PRKN: variants seen among roughly 807,000 people sequenced by gnomAD.
The protein encoded by PRKN is E3 ubiquitin-protein ligase parkin.
A neutral mutation model predicts 59.5 loss-of-function variants in PRKN; 56 were observed. The observed-to-expected ratio is 0.94, with a 90% CI of 0.76 to 1.18. PRKN has a LOEUF of 1.18. PRKN is among the 50% of genes most tolerant of loss of function. The pLI, the probability that PRKN is intolerant of heterozygous loss-of-function variation, is 0.00. For missense variants in PRKN, 657 were observed against 596.4 expected (o/e 1.10, Z -1.06); for synonymous variants, 250 against 222.1 (o/e 1.13, Z -1.12).
At chr6:161,801,979 A>G (rs1196554310) in intron 6 of PRKN, among the ~76,000 whole-genome samples, 1 of 152,198 alleles carries the variant, frequency 6.6e-6, no homozygotes, top group African/African-American at 2.4e-5. Flanking sequence ...GTTTCTCCTC[A>G]AATTGAACTT....
intron 2 of PRKN, among the ~76,000 whole-genome samples, chr6:162,364,979 CTTTTTTT>C (rs574680485): frequency 1.6e-5 from 2 of 126,808 alleles, no homozygotes; most frequent in African/African-American, 2.9e-5. Flanking sequence ...CTCTCTCTCT[CTTTTTTT>C]TTTTTTTTTG....
At chr6:162,560,519 A>G (rs1453361167) in intron 1 of PRKN, among the ~76,000 whole-genome samples, 1 of 152,164 alleles carries the variant, frequency 6.6e-6, no homozygotes, top group East Asian at 1.9e-4. Context: ...AAGTGTAAAC[A>G]TGGAAAAATC....
chr6:161,970,389 T>A (rs3016555), intron 6 of PRKN, among the ~76,000 whole-genome samples: 2 of 148,776 alleles, frequency 1.3e-5, no homozygotes, highest in South Asian at 2.1e-4. Flanking sequence ...GGAAAAAGCA[T>A]GATACGAAAC....
chr6:162,294,370 G>GAA (rs931602104), intron 2 of PRKN, among the ~76,000 whole-genome samples: 3 of 152,150 alleles, frequency 2.0e-5, no homozygotes, highest in Non-Finnish European at 1.5e-5. Context: ...GAGAGAGAGA[G>GAA]AGAAGCAGAG....
At chr6:162,311,482 T>C (rs1417976456) in intron 2 of PRKN, among the ~76,000 whole-genome samples, 6 of 102,572 alleles carry the variant, frequency 5.8e-5, no homozygotes, top group African/African-American at 4.6e-5. Context: ...ATTTTTTTCC[T>C]TTTTTTTTTT....
At chr6:161,970,949 C>T (rs939811397) in intron 6 of PRKN, among the ~76,000 whole-genome samples, 2 of 152,128 alleles carry the variant, frequency 1.3e-5, no homozygotes, top group African/African-American at 4.8e-5. Context: ...TCCGTGCAGG[C>T]GCTCATAATG....
At chr6:161,408,995 G>C (rs368743748) in intron 9 of PRKN, among the ~76,000 whole-genome samples, 46 of 152,008 alleles carry the variant, frequency 3.0e-4, no homozygotes, top group African/African-American at 1.1e-3. Flanking sequence ...GCCCAGGCTG[G>C]AGTGCAGTGG....
chr6:162,010,333 AAT>A (rs983211750), intron 5 of PRKN, among the ~76,000 whole-genome samples: 2,175 of 121,320 alleles, frequency 0.018, 31 homozygotes, highest in Non-Finnish European at 0.027. Context: ...TATAATATAT[AAT>A]ATATAAATAA....
intron 5 of PRKN, among the ~76,000 whole-genome samples, chr6:162,005,709 T>G (rs917386530): frequency 6.6e-6 from 1 of 152,184 alleles, no homozygotes; most frequent in African/African-American, 2.4e-5. Context: ...TTTTCCAAGT[T>G]AGCTTTAAAG....
chr6:161,704,878 A>G lies in PRKN; in HGVS notation c.871+80894T>C, dbSNP rs558139158. On this transcript the variant is annotated intron_variant, in intron 7 of 11. Coordinates refer to ENST00000366898, the MANE Select transcript of PRKN (RefSeq NM_004562.3). ...GGGTTGTTCAGGGTCCCTCAGCAGT[A>G]CCACGTTTCTCAGTTACATATGTGC... 2.0e-5 allele frequency among the ~76,000 whole-genome samples: 3 copies of G among 152,328 alleles called. No homozygotes were observed. The South Asian group carries it at 6.2e-4, about 32-fold the overall frequency.
intron 1 of PRKN, among the ~76,000 whole-genome samples, chr6:162,670,691 T>G (rs1779286508): frequency 6.6e-6 from 1 of 152,284 alleles, no homozygotes; most frequent in Non-Finnish European, 1.5e-5. Context: ...ACAATGTGGG[T>G]TTTATGGAAG....
chr6:161,450,779 C>A (rs9458261), intron 9 of PRKN, among the ~76,000 whole-genome samples: 1 of 151,890 alleles, frequency 6.6e-6, no homozygotes, highest in African/African-American at 2.4e-5. Context: ...ATGGTCTCGA[C>A]CTCCTGACCT....
intron 2 of PRKN, among the ~76,000 whole-genome samples, chr6:162,395,544 G>A (rs1354459723): frequency 1.3e-5 from 2 of 152,096 alleles, no homozygotes; most frequent in Non-Finnish European, 2.9e-5. Flanking sequence ...ATCAAGAATC[G>A]CCCAGCAGTC....
In PRKN at chr6:162,583,625, ATCTC is replaced by A. The variant is rs923440004; in HGVS notation, c.8-140156_8-140153del. Among the ~76,000 whole-genome samples, 7 of 152,154 alleles carry A rather than the reference ATCTC, an allele frequency of 4.6e-5. 1 individual carries two copies. Among genetic ancestry groups the A allele is most frequent in the African/African-American group, 1.7e-4 (7 of 41,426 alleles). ...ATTTAGCAATGCTCTATCACTCAGC[ATCTC>A]TCTGTTTATGCTTTTCCTCTCCCAG... On this transcript the variant is annotated intron_variant, in intron 1 of 11. Coordinates refer to ENST00000366898, the MANE Select transcript of PRKN (RefSeq NM_004562.3).
chr6:162,041,547 G>C (rs534757272), intron 5 of PRKN, among the ~76,000 whole-genome samples: 5 of 152,210 alleles, frequency 3.3e-5, no homozygotes, highest in Admixed American at 6.5e-5. Context: ...CATTTCAAAG[G>C]GTTTAGGTTG....
chr6:162,261,972 A>C (rs1779907162), intron 3 of PRKN, among the ~76,000 whole-genome samples: 1 of 152,144 alleles, frequency 6.6e-6, no homozygotes, highest in African/African-American at 2.4e-5. Flanking sequence ...ATCAACTTCT[A>C]CCCTGTAAAG....
At chr6:162,429,032 A>C (rs2128162169) in intron 2 of PRKN, among the ~76,000 whole-genome samples, 1 of 152,308 alleles carries the variant, frequency 6.6e-6, no homozygotes, top group Non-Finnish European at 1.5e-5. Flanking sequence ...CTTTCCAAGC[A>C]CTTATCACTA....
At chr6:161,491,541 TA>T (rs1477422299) in intron 9 of PRKN, among the ~76,000 whole-genome samples, 2 of 152,170 alleles carry the variant, frequency 1.3e-5, no homozygotes, top group African/African-American at 4.8e-5. Context: ...GCATATTAGG[TA>T]AAGACACACA....
At chr6:161,895,269 C>T (rs1777568314) in intron 6 of PRKN, among the ~76,000 whole-genome samples, 2 of 152,170 alleles carry the variant, frequency 1.3e-5, no homozygotes, top group South Asian at 4.1e-4. Context: ...CTCTCTTTTC[C>T]CCTCTGACAC....
Sources: allele counts gnomAD v4.1 joint callset (sites outside exome capture counted in the v4.1 genomes callset), GRCh38; gene constraint gnomAD v4.1.1; transcripts MANE v1.5; gene names NCBI Gene and HGNC (gene_info 2026-07-23, HGNC 2026-07-21).